Variants in ROBO1 observed in about 807,000 individuals in gnomAD.
ROBO1 encodes roundabout guidance receptor 1, also known as roundabout homolog 1.
Under a neutral mutation model 195.9 loss-of-function variants are expected in ROBO1, and 149 were observed. The observed-to-expected ratio is 0.76, with a 90% confidence interval of 0.67 to 0.87. The LOEUF (loss-of-function observed/expected upper bound fraction) is 0.87. Ranked by LOEUF, ROBO1 falls within the 40% of genes least tolerant of loss-of-function variation. The pLI is 0.00. For missense variants in ROBO1, 1,933 were observed against 2,068.3 expected (o/e 0.93, Z 1.27); for synonymous variants, 816 against 733.2 (o/e 1.11, Z -1.82).
At chr3:79,446,189 T>G (rs2039249503) in intron 2 of ROBO1, among the ~76,000 whole-genome samples, 3 of 152,198 alleles carry the variant, frequency 2.0e-5, no homozygotes, top group African/African-American at 7.2e-5. Flanking sequence ...ACCATTTGTA[T>G]CCCTTTAATT....
chr3:79,166,554 A>ATTTTTTTTT (rs1391356175), intron 2 of ROBO1, among the ~76,000 whole-genome samples: 1 of 134,718 alleles, frequency 7.4e-6, no homozygotes, highest in African/African-American at 2.9e-5. Flanking sequence ...CAAGTTTTCT[A>ATTTTTTTTT]TTTTTCTTTT....
intron 16 of ROBO1, 160 bp from the exon 17 acceptor site, chr3:78,659,967 C>G (rs1707289757): frequency 7.0e-6 from 3 of 430,866 alleles, no homozygotes; most frequent in Admixed American, 4.4e-5. Flanking sequence ...GTCATCTAGG[C>G]TGTAGTGCTG....
intron 5 of ROBO1, among the ~76,000 whole-genome samples, chr3:78,742,639 T>C (rs1184798011): frequency 2.6e-5 from 4 of 152,184 alleles, no homozygotes; most frequent in Non-Finnish European, 5.9e-5. Context: ...AACACACAGA[T>C]GGTCTTAGAA....
At chr3:79,070,239 A>G (rs1258666372) in intron 3 of ROBO1, among the ~76,000 whole-genome samples, 1 of 151,882 alleles carries the variant, frequency 6.6e-6, no homozygotes, top group African/African-American at 2.4e-5. Flanking sequence ...CACCTTGAAC[A>G]AGTTGTTGTT....
chr3:79,385,790 T>G (rs1024582489), intron 2 of ROBO1, among the ~76,000 whole-genome samples: 10 of 152,154 alleles, frequency 6.6e-5, no homozygotes, highest in African/African-American at 2.4e-4. Context: ...TAAAAAAACA[T>G]ACCTGGGAAG....
chr3:79,466,397 A>T (rs1575864478), intron 2 of ROBO1, among the ~76,000 whole-genome samples: 1 of 152,198 alleles, frequency 6.6e-6, no homozygotes, highest in East Asian at 1.9e-4. Flanking sequence ...GACAAATAGC[A>T]CCTACGAAGC....
Position 78,662,000 on chromosome 3 carries a change from T to G in ROBO1, c.2081A>C (p.His694Pro). Residue 694 changes from histidine to proline, a missense_variant, in exon 15 of 31, where the codon CAC becomes CCC. Physicochemically the swap from His to Pro is moderately conservative, Grantham distance 77 (BLOSUM62 -2). This residue lies in a region of ROBO1 where 1,737 missense variants were observed against 1,882.5 expected (regional missense o/e 0.92). Transcript: ENST00000464233. ...AATATTGTAACAACTCACTGTCCAGTGCACTTCGATGGAAGAGGAAGAAAG... is the reference window on the plus strand; with the variant it reads ...AATATTGTAACAACTCACTGTCCAGGGCACTTCGATGGAAGAGGAAGAAAG... ...TVLSSSSIEV[H>P]WTVDQQSQYI... is the part of the protein sequence containing the mutation. 6.2e-7 allele frequency: 1 copy of G among 1,607,990 alleles called. No homozygotes were observed. Among genetic ancestry groups the G allele is most frequent in the Non-Finnish European group, 8.5e-7 (1 of 1,177,432 alleles).
At chr3:79,765,958 T>G (rs1704961934) in intron 1 of ROBO1, among the ~76,000 whole-genome samples, 3 of 151,900 alleles carry the variant, frequency 2.0e-5, no homozygotes, top group African/African-American at 4.8e-5. Context: ...TTGATGAAAA[T>G]CACTTACACA....
chr3:79,554,687 T>G (rs879488136), intron 2 of ROBO1, among the ~76,000 whole-genome samples: 6 of 152,096 alleles, frequency 3.9e-5, no homozygotes, highest in Non-Finnish European at 8.8e-5. Context: ...TTATTCATAA[T>G]GCCAAAGAGC....
intron 3 of ROBO1, among the ~76,000 whole-genome samples, chr3:79,122,286 A>T (rs148399356): frequency 6.6e-6 from 1 of 152,052 alleles, no homozygotes; most frequent in Non-Finnish European, 1.5e-5. Context: ...CTTCACTGTA[A>T]ATAATGCCCA....
chr3:78,950,776 G>T (rs2040736574), intron 3 of ROBO1, among the ~76,000 whole-genome samples: 1 of 151,652 alleles, frequency 6.6e-6, no homozygotes, highest in Non-Finnish European at 1.5e-5. Context: ...ATCTGCAAAT[G>T]ATTTCATAGT....
rs557859722 is a variant in ROBO1 at position 79,489,699 on chromosome 3, G to GA, written c.88+100124dup. Among the ~76,000 whole-genome samples, 72 of 148,436 alleles carry GA rather than the reference G, an allele frequency of 4.9e-4. No individual in the cohort carries two copies. The South Asian group carries it at 0.015, about 31-fold the overall frequency. On this transcript the variant is annotated intron_variant, in intron 2 of 30. Transcript: ENST00000464233. Reference sequence around the variant, plus strand: ...GAAAGAAGTAACAATTTCTGTTTTAGAAAAAAAGGTAATTTTCTACTCTAC... The same window carrying GA: ...GAAAGAAGTAACAATTTCTGTTTTAGAAAAAAAAGGTAATTTTCTACTCTAC...
chr3:79,719,962 A>G (rs537926602), intron 1 of ROBO1, among the ~76,000 whole-genome samples: 1 of 152,332 alleles, frequency 6.6e-6, no homozygotes, highest in East Asian at 1.9e-4. Flanking sequence ...AAGACTAGAG[A>G]CTTTTCTCAG....
chr3:79,170,277 C>T (rs2108691115), intron 2 of ROBO1, among the ~76,000 whole-genome samples: 1 of 152,202 alleles, frequency 6.6e-6, no homozygotes, highest in Non-Finnish European at 1.5e-5. Context: ...GTTAACACAC[C>T]ACTCATTTCT....
intron 3 of ROBO1, among the ~76,000 whole-genome samples, chr3:78,973,463 TAAG>T (rs1054593386): frequency 6.8e-6 from 1 of 146,306 alleles, no homozygotes; most frequent in Admixed American, 6.9e-5. Context: ...GCTATATATA[TAAG>T]AAGCTATATA....
intron 3 of ROBO1, among the ~76,000 whole-genome samples, chr3:78,973,066 T>A (rs1004361842): frequency 4.6e-5 from 7 of 152,232 alleles, no homozygotes; most frequent in Non-Finnish European, 5.9e-5. Context: ...CTTTTAAGTC[T>A]GATCCTGCCA....
chr3:78,767,385 C>T (rs2083257969), intron 4 of ROBO1, among the ~76,000 whole-genome samples: 1 of 152,124 alleles, frequency 6.6e-6, no homozygotes, highest in African/African-American at 2.4e-5. Context: ...CCTGCCTCAA[C>T]CTCCTGAGTA....
chr3:78,885,116 T>G (rs1264252925), intron 4 of ROBO1, among the ~76,000 whole-genome samples: 1 of 152,040 alleles, frequency 6.6e-6, no homozygotes, highest in Non-Finnish European at 1.5e-5. Flanking sequence ...GGGACATGGA[T>G]AGAGGGCTAG....
chr3:78,792,407 A>G (rs1479098763), intron 4 of ROBO1, among the ~76,000 whole-genome samples: 2 of 152,212 alleles, frequency 1.3e-5, no homozygotes, highest in Non-Finnish European at 2.9e-5. Context: ...ATGTGCCATT[A>G]TTAGATAGTG....
Sources: allele counts gnomAD v4.1 joint callset (sites outside exome capture counted in the v4.1 genomes callset), GRCh38; gene constraint gnomAD v4.1.1; regional missense constraint gnomAD v4.1.1; transcripts MANE v1.5; gene names NCBI Gene and HGNC (gene_info 2026-07-23, HGNC 2026-07-21).